NELL2: variants seen among roughly 807,000 people sequenced by gnomAD.
NELL2 encodes the protein protein kinase C-binding protein NELL2.
In NELL2, 41 loss-of-function variants were observed where a neutral mutation model predicts 109.6. The ratio of observed to expected loss-of-function variants is 0.37; its 90% CI spans 0.29 to 0.49. The LOEUF is 0.49. Ranked by LOEUF, NELL2 falls within the 20% of genes least tolerant of loss-of-function variation. The pLI is 0.98. For missense variants in NELL2, 900 were observed against 1,008.3 expected, an observed-to-expected ratio of 0.89 and a Z score of 1.45; for synonymous variants, 355 against 344.7, an observed-to-expected ratio of 1.03 and a Z score of -0.33.
intron 2 of NELL2, among the ~76,000 whole-genome samples, chr12:44,868,487 A>G (rs2136826986): frequency 1.3e-5 from 2 of 152,328 alleles, no homozygotes; most frequent in Admixed American, 1.3e-4. Flanking sequence ...ATAATGCTGC[A>G]AAGAACATAC....
intron 13 of NELL2, among the ~76,000 whole-genome samples, chr12:44,644,608 G>GTTTATATATATATA (rs1461808442): frequency 1.1e-5 from 1 of 90,830 alleles, no homozygotes. Flanking sequence ...ATATATGTAT[G>GTTTATATATATATA]TATATATATA....
At chr12:44,836,997 A>G (rs187731427) in intron 2 of NELL2, among the ~76,000 whole-genome samples, 53 of 152,322 alleles carry the variant, frequency 3.5e-4, no homozygotes, top group Non-Finnish European at 6.3e-4. Context: ...CGTCATAAAC[A>G]GCAAGATCCT....
In NELL2 at chr12:44,861,766, T is replaced by C. The variant is rs1009308218; in HGVS notation, c.184+13459A>G. ...CCAGGCAACAGGCCTGCCAAACTGC[T>C]AACCCAGTCACCAGGACAGCCTGTC... On this transcript the variant is annotated intron_variant, in intron 2 of 19. Transcript: ENST00000429094. Among the ~76,000 whole-genome samples the C allele has an allele frequency of 5.7e-4, 87 of 152,228 alleles. 2 individuals are homozygous for C. The highest frequency in any genetic ancestry group is 1.3e-4 in the Non-Finnish European group (9 of 68,042).
intron 2 of NELL2, among the ~76,000 whole-genome samples, chr12:44,828,779 A>G (rs1943796056): frequency 6.6e-6 from 1 of 152,136 alleles, no homozygotes; most frequent in Admixed American, 6.5e-5. Flanking sequence ...TAAAGTATTA[A>G]GATTTATCTA....
At chr12:44,568,270 C>T (rs1474493654) in intron 15 of NELL2, among the ~76,000 whole-genome samples, 1 of 152,098 alleles carries the variant, frequency 6.6e-6, no homozygotes, top group Non-Finnish European at 1.5e-5. Context: ...AGTGCAGAAT[C>T]ACATAATCAC....
At chr12:44,612,371 T>A (rs1214767910) in intron 13 of NELL2, among the ~76,000 whole-genome samples, 1 of 151,940 alleles carries the variant, frequency 6.6e-6, no homozygotes, top group Non-Finnish European at 1.5e-5. Flanking sequence ...CAATAATCCT[T>A]TAGAGGAAAG....
At chr12:44,889,072 T>C (rs1033080407) in intron 1 of NELL2, among the ~76,000 whole-genome samples, 2 of 151,984 alleles carry the variant, frequency 1.3e-5, no homozygotes, top group African/African-American at 4.8e-5. Context: ...ATGCTGTACA[T>C]GAATGCCAGT....
rs1322675288 is a variant in NELL2 at position 44,587,285 on chromosome 12, AT to A, written c.1663+19883del. 6.6e-3 allele frequency among the ~76,000 whole-genome samples: 472 copies of A among 70,984 alleles called. 9 individuals carry two copies. The highest frequency in any genetic ancestry group is 9.6e-3 in the Non-Finnish European group (354 of 36,924). 46.6% of individuals were successfully genotyped at this position (70,984 alleles called of 152,430 possible). On this transcript the variant is annotated intron_variant, in intron 15 of 19. Transcript: ENST00000429094. ...AGACTCCGTCTCAAAAAAAAAAAAA[AT>A]ATATATATATATATATATATATTTT...
At chr12:44,803,570 C>T (rs1358401992) in intron 3 of NELL2, among the ~76,000 whole-genome samples, 1 of 151,908 alleles carries the variant, frequency 6.6e-6, no homozygotes, top group Non-Finnish European at 1.5e-5. Flanking sequence ...TTGTAATATA[C>T]TTGTAACTTT....
chr12:44,701,471 C>G (rs1349024744), intron 12 of NELL2, among the ~76,000 whole-genome samples: 2 of 152,084 alleles, frequency 1.3e-5, no homozygotes, highest in Non-Finnish European at 2.9e-5. Flanking sequence ...AACTGAGTGA[C>G]TTGGTCTTTA....
At chr12:44,670,070 G>A (rs1948083784) in intron 12 of NELL2, among the ~76,000 whole-genome samples, 1 of 152,036 alleles carries the variant, frequency 6.6e-6, no homozygotes, top group Non-Finnish European at 1.5e-5. Context: ...TGGAGAGAAG[G>A]GAGTGATGTA....
chr12:44,874,338 T>G (rs781085054), intron 2 of NELL2, among the ~76,000 whole-genome samples: 2 of 152,204 alleles, frequency 1.3e-5, no homozygotes, highest in African/African-American at 4.8e-5. Context: ...TCTTTTGCCT[T>G]CATGTATTCT....
At chr12:44,787,812 C>T (rs1279253112) in intron 3 of NELL2, among the ~76,000 whole-genome samples, 1 of 151,964 alleles carries the variant, frequency 6.6e-6, no homozygotes, top group African/African-American at 2.4e-5. Context: ...ATTATCTCAA[C>T]ATGGATCACA....
intron 13 of NELL2, among the ~76,000 whole-genome samples, chr12:44,652,130 G>A (rs935405911): frequency 6.6e-6 from 1 of 152,134 alleles, no homozygotes; most frequent in Non-Finnish European, 1.5e-5. Flanking sequence ...CTGGCATAGA[G>A]TACTCCTGAA....
At chr12:44,908,104 A>G (rs1373568964) in intron 1 of NELL2, among the ~76,000 whole-genome samples, 2 of 152,052 alleles carry the variant, frequency 1.3e-5, no homozygotes, top group Non-Finnish European at 2.9e-5. Flanking sequence ...TGAAATGGAC[A>G]TCTAGAAGTA....
chr12:44,894,857 C>T (rs1945575414), intron 1 of NELL2, among the ~76,000 whole-genome samples: 1 of 152,170 alleles, frequency 6.6e-6, no homozygotes, highest in Non-Finnish European at 1.5e-5. Flanking sequence ...AAGATATATA[C>T]ATGCTGCTCA....
chr12:44,793,920 A>T (rs546754293), intron 3 of NELL2, among the ~76,000 whole-genome samples: 2 of 152,306 alleles, frequency 1.3e-5, no homozygotes, highest in African/African-American at 4.8e-5. Context: ...TGATAATTGT[A>T]TAGTTGTAAG....
At position 44,714,751 on chromosome 12, in the gene NELL2, A is replaced by G. The variant is rs1430687190; in HGVS notation, c.995-10T>C. ...TGAAATTGGCATATCGCTTTGGAGT[A>G]AAAAATACATATATATTTATTTTAT... is the stretch of plus-strand genomic sequence containing the variant. On this transcript the variant is annotated splice_polypyrimidine_tract_variant and intron_variant, in intron 9 of 19. Coordinates refer to ENST00000429094, the MANE Select transcript of NELL2 (RefSeq NM_001145108.2). The G allele has an allele frequency of 2.0e-6, 3 of 1,531,606 alleles. No homozygotes were observed. The highest frequency in any genetic ancestry group is 3.9e-5 in the Admixed American group (2 of 51,098). 94.9% of individuals were successfully genotyped at this position (1,531,606 alleles called of 1,614,324 possible).
chr12:44,517,511 C>T (rs1042342545), intron 19 of NELL2, among the ~76,000 whole-genome samples: 1 of 151,856 alleles, frequency 6.6e-6, no homozygotes. Context: ...GCCAATTAAA[C>T]CCCTTTTCTT....
Sources: gnomAD v4.1 joint callset for allele counts (sites outside exome capture counted in the v4.1 genomes callset) on GRCh38, gnomAD v4.1.1 for gene constraint, MANE v1.5 for transcripts, NCBI Gene and HGNC (gene_info 2026-07-23, HGNC 2026-07-21) for gene names.